The following SNRPN variants were observed in gnomAD, a reference collection of about 807,000 sequenced individuals.
SNRPN encodes the protein small nuclear ribonucleoprotein polypeptide N, also known as small nuclear ribonucleoprotein-associated protein N.
In SNRPN, 7 loss-of-function variants were observed where a neutral mutation model predicts 25.2. The ratio of observed to expected loss-of-function variants is 0.28; its 90% confidence interval spans 0.16 to 0.52. The LOEUF (loss-of-function observed/expected upper bound fraction) is 0.52, where lower values mean the gene tolerates loss of function less well. Ranked by LOEUF, SNRPN falls within the 20% of genes least tolerant of loss-of-function variation. SNRPN has a pLI of 0.96. For missense variants in SNRPN, 196 were observed against 322.5 expected, an observed-to-expected ratio of 0.61 and a Z score of 3.00; for synonymous variants, 124 against 110.6, an observed-to-expected ratio of 1.12 and a Z score of -0.76.
At position 24,962,188 on chromosome 15, in the gene SNRPN, C is replaced by CT. The variant is rs1173718329; in HGVS notation, c.-315dup. 6.2e-7 allele frequency: 1 copy of CT among 1,614,098 alleles called. No homozygotes were observed. The highest frequency in any genetic ancestry group is 1.7e-5 in the Admixed American group (1 of 60,012). Reference sequence around the variant, plus strand: ...GAAGTCCAAGTCAAACGCAGAAGGACTGCCTCACTGAGCAACCAAGAGTGA... The same window carrying CT: ...GAAGTCCAAGTCAAACGCAGAAGGACTTGCCTCACTGAGCAACCAAGAGTGA... On this transcript the variant is annotated 5_prime_UTR_variant, in exon 2 of 10. It introduces an in-frame stop codon into an upstream open reading frame of the 5' UTR. Transcript: ENST00000390687.
intron 3 of SNRPN, among the ~76,000 whole-genome samples, chr15:24,941,920 C>T (rs962586468): frequency 1.3e-5 from 2 of 152,084 alleles, no homozygotes; most frequent in African/African-American, 2.4e-5. Context: ...GTTGGGATTA[C>T]AGGTGCCTGC....
chr15:24,968,033 G>A lies in SNRPN; in HGVS notation c.-193G>A. On this transcript the variant is annotated 5_prime_UTR_variant, in exon 3 of 10. Transcript: ENST00000390687. The stretch of plus-strand genomic sequence containing the variant: ...TTCTTAGCTGAGACACCAAGAGGTG[G>A]TTAAAGCCATATTGGAGTAGCGAGG... The A allele has an allele frequency of 6.2e-7, 1 of 1,613,972 alleles. No homozygotes were observed. The highest frequency in any genetic ancestry group is 8.5e-7 in the Non-Finnish European group (1 of 1,179,920).
intron 8 of SNRPN, 23 bp from the exon 9 acceptor site, chr15:24,978,170 A>G (rs1359918712): frequency 6.2e-7 from 1 of 1,606,194 alleles, no homozygotes; most frequent in Middle Eastern, 1.7e-4. Context: ...TGAGGCCTTT[A>G]TTTCTACCAT....
intron 4 of SNRPN, chr15:24,974,878 A>G: frequency 2.8e-6 from 2 of 702,054 alleles, no homozygotes; most frequent in Non-Finnish European, 5.2e-6. Context: ...GAAATGTTTC[A>G]TGATGTGAGA....
chr15:24,837,071 G>A (rs115196672), intron 2 of SNRPN, among the ~76,000 whole-genome samples: 1,967 of 152,060 alleles, frequency 0.013, 61 homozygotes, highest in African/African-American at 0.045. Context: ...ATACATTGGG[G>A]TAGTATTTCC....
rs117664474 is a variant in SNRPN at position 24,914,519 on chromosome 15, G to T, written c.-504-5492G>T. On this transcript the variant is annotated intron_variant, in intron 2 of 11. Coordinates refer to the SNRPN transcript ENST00000400097. ...TTGAGACCAGTCTGGGCAACATAGC[G>T]GGATAGTGAGATCCTCTCCACACAC... Among the ~76,000 whole-genome samples, 329 of 152,000 alleles carry T rather than the reference G, an allele frequency of 2.2e-3. 6 individuals carry two copies. Among genetic ancestry groups the T allele is most frequent in the East Asian group, 0.016 (82 of 5,156 alleles).
intron 5 of SNRPN, 89 bp downstream of exon 5, chr15:24,975,598 T>C: frequency 9.1e-7 from 1 of 1,100,966 alleles, no homozygotes; most frequent in Middle Eastern, 3.0e-4. Context: ...CGAGGGTAAC[T>C]GAAGTAGTTA....
intron 2 of SNRPN, chr15:24,908,806 G>C: frequency 2.0e-6 from 1 of 499,110 alleles, no homozygotes; most frequent in Non-Finnish European, 3.5e-6. Flanking sequence ...CTAGGACCTA[G>C]GGTCTGGAAA....
intron 2 of SNRPN, among the ~76,000 whole-genome samples, chr15:24,841,579 A>G (rs1343451897): frequency 6.6e-6 from 1 of 152,174 alleles, no homozygotes; most frequent in African/African-American, 2.4e-5. Context: ...TCCTCTTATC[A>G]TAACAAGGGT....
chr15:24,893,930 A>G (rs2057874242), intron 2 of SNRPN, among the ~76,000 whole-genome samples: 1 of 152,192 alleles, frequency 6.6e-6, no homozygotes, highest in South Asian at 2.1e-4. Context: ...AAAAAACCCA[A>G]TCCGTAAGCC....
chr15:24,838,740 T>C (rs1033822918), intron 2 of SNRPN, among the ~76,000 whole-genome samples: 3 of 152,154 alleles, frequency 2.0e-5, no homozygotes, highest in African/African-American at 7.2e-5. Flanking sequence ...ACATGTCCTA[T>C]ATAAACTTGA....
intron 2 of SNRPN, among the ~76,000 whole-genome samples, chr15:24,915,968 C>CTTTTTTTTTTT (rs35835568): frequency 1.0e-5 from 1 of 97,378 alleles, no homozygotes; most frequent in African/African-American, 3.9e-5. Flanking sequence ...GCCAGGTTGA[C>CTTTTTTTTTTT]TTTTTTTTTT....
rs35079024 is a variant in SNRPN, at chr15:24,967,641, T to TA, written c.-294-274dup. Among the ~76,000 whole-genome samples, 893 of 133,970 alleles carry TA rather than the reference T, an allele frequency of 6.7e-3. 4 individuals are homozygous for TA. Among genetic ancestry groups the TA allele is most frequent in the Non-Finnish European group, 9.2e-3 (571 of 62,162 alleles). The allele number at this position is 133,970 out of a possible 152,430, so 87.9% of individuals were successfully genotyped here. ...TGGGCGACAGAGTGAGACTCTGTCT[T>TA]AAAAAAAAAAAAAAAAATTAGCTGG... On this transcript the variant is annotated intron_variant, in intron 2 of 9. Transcript: ENST00000390687.
At position 24,974,467 on chromosome 15, in the gene SNRPN, T is replaced by C. The variant is rs1236824693; in HGVS notation, c.3+11T>C. 1.2e-6 allele frequency: 2 copies of C among 1,613,616 alleles called. No individual in the cohort carries two copies. Among genetic ancestry groups the C allele is most frequent in the Non-Finnish European group, 8.5e-7 (1 of 1,179,522 alleles). On this transcript the variant is annotated intron_variant, in intron 4 of 9. Transcript: ENST00000390687. ...GGAACAGCAATCATGGTAAGCTGTA[T>C]GATAAGGCTGAGGGTTGAAATGTGC...
intron 2 of SNRPN, chr15:24,849,588 G>C (rs1247594540): frequency 6.6e-6 from 1 of 152,230 alleles, no homozygotes; most frequent in Non-Finnish European, 1.5e-5. Context: ...CTAGGTAAAA[G>C]AAGTAACCTG....
chr15:24,973,740 A>G (rs1596326508), intron 3 of SNRPN, among the ~76,000 whole-genome samples: 4 of 152,112 alleles, frequency 2.6e-5, no homozygotes, highest in Admixed American at 2.6e-4. Context: ...TACTTGATCT[A>G]TGAAAGTTGT....
At chr15:24,863,889 C>T (rs1273723717) in intron 1 of SNRPN, among the ~76,000 whole-genome samples, 1 of 150,824 alleles carries the variant, frequency 6.6e-6, no homozygotes, top group Admixed American at 6.6e-5. Flanking sequence ...ACTTTATTTA[C>T]AGTACTCTCT....
intron 7 of SNRPN, among the ~76,000 whole-genome samples, chr15:24,977,532 A>G (rs2077205315): frequency 6.6e-6 from 1 of 152,016 alleles, no homozygotes; most frequent in South Asian, 2.1e-4. Context: ...CCCAGCTACC[A>G]GGCAGGGAGA....
upstream of SNRPN, among the ~76,000 whole-genome samples, chr15:24,855,274 C>T (rs1283441221): frequency 6.6e-6 from 1 of 152,108 alleles, no homozygotes; most frequent in African/African-American, 2.4e-5. Context: ...TATTAATCTA[C>T]AGGTTTTATG....
Sources: allele counts gnomAD v4.1 joint callset (sites outside exome capture counted in the v4.1 genomes callset), GRCh38; gene constraint gnomAD v4.1.1; transcripts MANE v1.5; gene names NCBI Gene and HGNC (gene_info 2026-07-23, HGNC 2026-07-21).